The following NOX3 variants were observed in gnomAD, a reference collection of about 807,000 sequenced individuals.
NOX3 encodes NADPH oxidase 3.
A neutral mutation model predicts 76.7 loss-of-function variants in NOX3; 74 were observed. The observed-to-expected ratio is 0.96, with a 90% CI of 0.80 to 1.17. The LOEUF is 1.17. NOX3 is among the 50% of genes most tolerant of loss of function. The pLI, the probability that NOX3 is intolerant of heterozygous loss-of-function variation, is 0.00. For missense variants in NOX3, 695 were observed against 703.3 expected, an observed-to-expected ratio of 0.99 and a Z score of 0.13; for synonymous variants, 263 against 261.1, an observed-to-expected ratio of 1.01 and a Z score of -0.07.
rs148663239 is a variant in NOX3 at position 155,411,482 on chromosome 6, C to CTT, written c.1309-124_1309-123dup. ...ATGGGCACTTCTGCAAAATAACATG[C>CTT]TTTTTTTTGTGTGTGTCAGTGAACA... On this transcript the variant is annotated intron_variant, in intron 10 of 13. Coordinates refer to ENST00000159060, the MANE Select transcript of NOX3 (RefSeq NM_015718.3). 4,677 of 817,912 alleles carry CTT rather than the reference C, an allele frequency of 5.7e-3. 161 individuals carry two copies. The African/African-American group carries it at 0.074, about 13-fold the overall frequency. 50.7% of individuals were successfully genotyped at this position (817,912 alleles called of 1,614,324 possible).
intron 4 of NOX3, among the ~76,000 whole-genome samples, chr6:155,445,980 G>GTT (rs1777059061): frequency 1.8e-5 from 1 of 57,112 alleles, no homozygotes; most frequent in Non-Finnish European, 3.1e-5. Context: ...ATATATATAT[G>GTT]CTATATATAT....
intron 9 of NOX3, among the ~76,000 whole-genome samples, chr6:155,426,127 T>C (rs1311388988): frequency 1.3e-5 from 2 of 152,208 alleles, no homozygotes; most frequent in Non-Finnish European, 2.9e-5. Flanking sequence ...ATGTTGAAGA[T>C]TTAAACAAAT....
chr6:155,433,691 CTT>C (rs1776864749), intron 7 of NOX3, among the ~76,000 whole-genome samples: 2 of 152,120 alleles, frequency 1.3e-5, no homozygotes, highest in African/African-American at 4.8e-5. Context: ...AAGCCAGAGA[CTT>C]AGAGTGAATG....
intron 11 of NOX3, among the ~76,000 whole-genome samples, chr6:155,408,308 T>C (rs567836538): frequency 5.3e-5 from 8 of 152,314 alleles, no homozygotes; most frequent in East Asian, 3.9e-4. Context: ...TAAGTTGCTG[T>C]CATTTATTTT....
chr6:155,416,701 C>G (rs1236836673), intron 10 of NOX3, among the ~76,000 whole-genome samples: 1 of 148,076 alleles, frequency 6.8e-6, no homozygotes, highest in Non-Finnish European at 1.5e-5. Flanking sequence ...GGTCTAATTA[C>G]AGTTAATAAT....
At chr6:155,432,225 T>C (rs1776843898) in intron 7 of NOX3, among the ~76,000 whole-genome samples, 1 of 152,144 alleles carries the variant, frequency 6.6e-6, no homozygotes, top group African/African-American at 2.4e-5. Flanking sequence ...TTCAATATCC[T>C]CTAATTCTTT....
intron 9 of NOX3, among the ~76,000 whole-genome samples, chr6:155,425,283 A>G (rs1027910042): frequency 1.3e-5 from 2 of 151,978 alleles, no homozygotes; most frequent in Non-Finnish European, 2.9e-5. Flanking sequence ...AAATTTCTCC[A>G]TTTCTCCAGA....
At chr6:155,454,784 G>T in intron 3 of NOX3, 27 bp downstream of exon 3, 1 of 1,310,254 alleles carries the variant, frequency 7.6e-7, no homozygotes, top group Non-Finnish European at 1.1e-6. Context: ...TAACAGTTGA[G>T]ATTATTTCAG....
At chr6:155,404,089 A>T (rs192815034) in intron 12 of NOX3, among the ~76,000 whole-genome samples, 1 of 149,356 alleles carries the variant, frequency 6.7e-6, no homozygotes, top group Admixed American at 6.6e-5. Flanking sequence ...CTGAAAACCG[A>T]ACGTAAAACA....
chr6:155,419,560 T>G (rs1402099080), intron 10 of NOX3, among the ~76,000 whole-genome samples: 1 of 152,194 alleles, frequency 6.6e-6, no homozygotes, highest in Admixed American at 6.5e-5. Flanking sequence ...CTGAGTCGTG[T>G]CCAAATAGTC....
At chr6:155,421,694 G>A (rs112938474) in intron 10 of NOX3, among the ~76,000 whole-genome samples, 3 of 152,008 alleles carry the variant, frequency 2.0e-5, no homozygotes, top group African/African-American at 2.4e-5. Flanking sequence ...CTCTCTATGC[G>A]GCCCGGGCTG....
chr6:155,406,260 G>T (rs373588709), intron 12 of NOX3, among the ~76,000 whole-genome samples: 5 of 151,858 alleles, frequency 3.3e-5, no homozygotes, highest in Non-Finnish European at 7.4e-5. Context: ...GTATATTTAC[G>T]TTATGAAAAC....
chr6:155,433,111 A>G (rs1776855742), intron 7 of NOX3, among the ~76,000 whole-genome samples: 2 of 152,246 alleles, frequency 1.3e-5, no homozygotes, highest in Admixed American at 6.5e-5. Context: ...ATGTCAAATC[A>G]GACACGATCT....
chr6:155,403,848 G>A (rs1009493310), intron 12 of NOX3, among the ~76,000 whole-genome samples: 8 of 152,186 alleles, frequency 5.3e-5, no homozygotes, highest in Middle Eastern at 3.4e-3. Context: ...CCTTTTTGAG[G>A]GAAGGGAGAT....
intron 7 of NOX3, among the ~76,000 whole-genome samples, chr6:155,433,533 GT>G (rs1776861125): frequency 6.6e-6 from 1 of 152,216 alleles, no homozygotes; most frequent in African/African-American, 2.4e-5. Context: ...GTCCTGTTTT[GT>G]AAAATGGGAA....
At chr6:155,411,506 C>A in intron 10 of NOX3, 146 bp from the exon 11 acceptor site, 1 of 661,764 alleles carries the variant, frequency 1.5e-6, no homozygotes, top group Non-Finnish European at 2.4e-6. Context: ...TGTCAGTGAA[C>A]AAACAGTCAC....
At chr6:155,401,778 CT>C (rs1445114268) in intron 12 of NOX3, among the ~76,000 whole-genome samples, 1 of 129,344 alleles carries the variant, frequency 7.7e-6, no homozygotes, top group Non-Finnish European at 1.6e-5. Context: ...AGAAATACGT[CT>C]ACTGAAATTA....
intron 1 of NOX3, 87 bp downstream of exon 1, chr6:155,455,666 T>A (rs1777204693): frequency 2.0e-6 from 2 of 975,980 alleles, no homozygotes. Flanking sequence ...TACTTCAAGC[T>A]ATTTAGCGTT....
chr6:155,455,200 G>A (rs907682055), intron 1 of NOX3, 71 bp from the exon 2 acceptor site: 9 of 951,844 alleles, frequency 9.5e-6, no homozygotes, highest in South Asian at 9.0e-5. Context: ...ATCACTTGGG[G>A]TTCTTCTTTT....
Sources: gnomAD v4.1 joint callset for allele counts (sites outside exome capture counted in the v4.1 genomes callset) on GRCh38, gnomAD v4.1.1 for gene constraint, MANE v1.5 for transcripts, NCBI Gene and HGNC (gene_info 2026-07-23, HGNC 2026-07-21) for gene names.